The following COL6A6 variants were observed in gnomAD, a reference collection of about 807,000 sequenced individuals.
The protein encoded by COL6A6 is collagen alpha-6(VI) chain.
A neutral mutation model predicts 208.6 loss-of-function variants in COL6A6; 183 were observed. The ratio of observed to expected loss-of-function variants is 0.88; its 90% CI spans 0.78 to 0.99. The LOEUF is 0.99. Ranked by LOEUF, COL6A6 falls within the 50% of genes least tolerant of loss-of-function variation. The pLI is 0.00. For synonymous variants in COL6A6, 973 were observed against 1,011.8 expected (o/e 0.96, Z 0.73); for missense variants, 2,816 against 2,815.2 (o/e 1.00, Z -0.01).
chr3:130,637,636 T>C (rs1420635579), intron 28 of COL6A6, among the ~76,000 whole-genome samples: 2 of 152,214 alleles, frequency 1.3e-5, no homozygotes, highest in Non-Finnish European at 2.9e-5. Flanking sequence ...ATTGGAAGAT[T>C]TTGGTAAAAC....
rs115416332 is a variant in COL6A6, at chr3:130,602,729, A to T, written c.4653+2919A>T. 6.5e-3 allele frequency among the ~76,000 whole-genome samples: 987 copies of T among 152,322 alleles called. 12 individuals carry two copies. Among genetic ancestry groups the T allele is most frequent in the African/African-American group, 0.022 (923 of 41,560 alleles). ...TATTTTAATTTTAAAAAAGTTTAATATGGTTGCTTTTTAATAAAACACTAT... is the reference window on the plus strand; with the variant it reads ...TATTTTAATTTTAAAAAAGTTTAATTTGGTTGCTTTTTAATAAAACACTAT... On this transcript the variant is annotated intron_variant, in intron 20 of 36. Coordinates refer to ENST00000358511, the MANE Select transcript of COL6A6 (RefSeq NM_001102608.3).
At chr3:130,603,199 T>A (rs945027247) in intron 20 of COL6A6, among the ~76,000 whole-genome samples, 12 of 152,208 alleles carry the variant, frequency 7.9e-5, no homozygotes, top group Non-Finnish European at 1.6e-4. Flanking sequence ...TAGAATCATG[T>A]TGTAGAGTGT....
At chr3:130,516,970 G>A (rs893304145), upstream of COL6A6, among the ~76,000 whole-genome samples, 34 of 152,298 alleles carry the variant, frequency 2.2e-4, 1 homozygote, top group South Asian at 4.2e-4. Flanking sequence ...TCCCACGGTC[G>A]GGACCTTAGG....
At chr3:130,636,740 T>TTCCCCCTCCCCTTCCCCCTCCCCTCCCC (rs2065121723) in intron 28 of COL6A6, among the ~76,000 whole-genome samples, 2 of 80,198 alleles carry the variant, frequency 2.5e-5, no homozygotes, top group Non-Finnish European at 5.0e-5. Flanking sequence ...CTTCCTCCCC[T>TTCCCCCTCCCCTTCCCCCTCCCCTCCCC]TCCCCCTCCC....
rs1307478571 is a variant in COL6A6, at chr3:130,649,263, C to T, written c.5434C>T (p.Leu1812Phe). The change falls in exon 33 of 37, where the codon CTT becomes TTT. Residue 1812 changes from leucine to phenylalanine, a missense_variant. By Grantham distance (22) the Leu-to-Phe change is conservative (BLOSUM62 0). Coordinates refer to ENST00000358511, the MANE Select transcript of COL6A6 (RefSeq NM_001102608.3). ...ILSYNSHARHLVRFSDAYKKS... is the reference protein window; with the variant it reads ...ILSYNSHARHFVRFSDAYKKS... ...CTCCTATAACTCCCACGCCAGGCAC[C>T]TTGTGCGCTTCTCAGACGCCTACAA... 6.2e-7 allele frequency: 1 copy of T among 1,600,162 alleles called. No homozygotes were observed. Among genetic ancestry groups the T allele is most frequent in the Non-Finnish European group, 8.5e-7 (1 of 1,173,478 alleles).
In COL6A6 at chr3:130,589,090, G is replaced by T. The variant is rs1204477753; in HGVS notation, c.4126G>T (p.Val1376Phe). 6.2e-7 allele frequency: 1 copy of T among 1,613,070 alleles called. No individual in the cohort carries two copies. Among genetic ancestry groups the T allele is most frequent in the Non-Finnish European group, 8.5e-7 (1 of 1,179,212 alleles). Residue 1376 changes from valine (V) to phenylalanine (F), a missense_variant and splice_region_variant, in exon 12 of 37, where the codon GTC becomes TTC. Transcript: ENST00000358511. ...ELGSRLSKQL[V>F]NVAERTCCCL... ...AATGTATTTCTTACCCTCTCCCAAG[G>T]TCAATGTTGCTGAAAGGACATGCTG...
At chr3:130,663,400 G>A (rs1047875200) in intron 35 of COL6A6, among the ~76,000 whole-genome samples, 1 of 152,078 alleles carries the variant, frequency 6.6e-6, no homozygotes, top group Admixed American at 6.6e-5. Context: ...GTATATTATG[G>A]TTTGAGAAAC....
chr3:130,546,767 T>G (rs1055784967), intron 1 of COL6A6, among the ~76,000 whole-genome samples: 1 of 150,430 alleles, frequency 6.6e-6, no homozygotes. Context: ...GGATGCTGAT[T>G]GGTGCATTTA....
intron 1 of COL6A6, among the ~76,000 whole-genome samples, chr3:130,537,007 G>A (rs1468782574): frequency 6.6e-6 from 1 of 152,168 alleles, no homozygotes; most frequent in Non-Finnish European, 1.5e-5. Flanking sequence ...GTCTGCTCAG[G>A]GATGTGAAAG....
At chr3:130,590,258 T>C (rs1330738468) in intron 12 of COL6A6, among the ~76,000 whole-genome samples, 4 of 10,282 alleles carry the variant, frequency 3.9e-4, no homozygotes, top group Non-Finnish European at 7.7e-4. Context: ...TTTTTTCATA[T>C]ATATATATAT....
At chr3:130,526,898 T>C (rs2061973047) in intron 1 of COL6A6, among the ~76,000 whole-genome samples, 2 of 152,198 alleles carry the variant, frequency 1.3e-5, no homozygotes, top group African/African-American at 2.4e-5. Context: ...TAAATATTAC[T>C]TGAATGAAGG....
At chr3:130,620,744 T>C (rs899229379) in intron 23 of COL6A6, among the ~76,000 whole-genome samples, 2 of 152,196 alleles carry the variant, frequency 1.3e-5, no homozygotes, top group Non-Finnish European at 2.9e-5. Flanking sequence ...AAGATGAAAA[T>C]GTTAATGTTA....
At chr3:130,635,165 A>T (rs954546816) in intron 27 of COL6A6, among the ~76,000 whole-genome samples, 7 of 151,986 alleles carry the variant, frequency 4.6e-5, no homozygotes, top group Non-Finnish European at 1.0e-4. Flanking sequence ...AACCCAGGAG[A>T]TGGAGGTTAT....
intron 8 of COL6A6, among the ~76,000 whole-genome samples, chr3:130,578,550 C>G (rs2063346457): frequency 6.6e-6 from 1 of 152,114 alleles, no homozygotes; most frequent in South Asian, 2.1e-4. Flanking sequence ...GTTGGTCATG[C>G]AGAACATCAC....
At position 130,649,251 on chromosome 3, in the gene COL6A6, C is replaced by T. The variant is rs370537932; in HGVS notation, c.5422C>T (p.His1808Tyr). Reference sequence around the variant, plus strand: ...CATCGCCATCCTCTCCTATAACTCCCACGCCAGGCACCTTGTGCGCTTCTC... The same window carrying T: ...CATCGCCATCCTCTCCTATAACTCCTACGCCAGGCACCTTGTGCGCTTCTC... ...AHIAILSYNS[H>Y]ARHLVRFSDA... is the part of the protein sequence containing the mutation. Residue 1808 changes from histidine to tyrosine, a missense_variant, in exon 33 of 37, where the codon CAC becomes TAC. Transcript: ENST00000358511. The T allele has an allele frequency of 7.5e-6, 12 of 1,596,044 alleles. No individual in the cohort carries two copies. In the African/African-American group the frequency reaches 9.4e-5, roughly 12 times the overall value.
chr3:130,619,322 A>C (rs575313404), intron 23 of COL6A6, among the ~76,000 whole-genome samples: 1 of 152,226 alleles, frequency 6.6e-6, no homozygotes, highest in South Asian at 2.1e-4. Context: ...GAGGAGGGAG[A>C]TTGTACCTCT....
chr3:130,606,358 T>C (rs1044422255), intron 20 of COL6A6, among the ~76,000 whole-genome samples: 2 of 149,766 alleles, frequency 1.3e-5, no homozygotes, highest in Admixed American at 6.6e-5. Flanking sequence ...ATATACTGGA[T>C]TGAGTAGCTT....
chr3:130,635,556 C>T, intron 27 of COL6A6, 143 bp from the exon 28 acceptor site: 1 of 594,624 alleles, frequency 1.7e-6, no homozygotes, highest in East Asian at 2.9e-5. Context: ...AATGGAAACA[C>T]ACACACTCAC....
At chr3:130,613,451 C>A (rs1483340125) in intron 23 of COL6A6, among the ~76,000 whole-genome samples, 1 of 152,162 alleles carries the variant, frequency 6.6e-6, no homozygotes, top group East Asian at 1.9e-4. Flanking sequence ...TAAGGTGATG[C>A]CTTCAGCTTT....
Sources: gnomAD v4.1 joint callset for allele counts (sites outside exome capture counted in the v4.1 genomes callset) on GRCh38, gnomAD v4.1.1 for gene constraint, MANE v1.5 for transcripts, NCBI Gene and HGNC (gene_info 2026-07-23, HGNC 2026-07-21) for gene names.